The following DHX8 variants were observed in gnomAD, a reference collection of about 807,000 sequenced individuals.
DHX8 encodes DEAH-box helicase 8, also known as ATP-dependent RNA helicase DHX8.
Under a neutral mutation model 140.7 loss-of-function variants are expected in DHX8, and 67 were observed. The ratio of observed to expected loss-of-function variants is 0.48; its 90% confidence interval spans 0.39 to 0.58. The LOEUF is 0.58. DHX8 is among the 20% of genes least tolerant of loss of function. The pLI, the probability that DHX8 is intolerant of heterozygous loss-of-function variation, is 0.00. For missense variants in DHX8, 887 were observed against 1,550.7 expected (o/e 0.57, Z 7.19); for synonymous variants, 533 against 553.2 (o/e 0.96, Z 0.51).
rs756431516 is a variant in DHX8 at position 43,532,977 on chromosome 17, TTTAAA to T, written c.351-3430_351-3426del. On this transcript the variant is annotated intron_variant, in intron 2 of 3. Transcript: ENST00000589898. The stretch of plus-strand genomic sequence containing the variant: ...GGATGGAGAAGGAAGAGAAGAGAAC[TTTAAA>T]TTAATCCTTCCTCGAGCCTGTTACT... 7.2e-6 allele frequency: 11 copies of T among 1,528,804 alleles called. No homozygotes were observed. In the Admixed American group the frequency reaches 1.7e-4, roughly 24 times the overall value. 94.7% of individuals were successfully genotyped at this position (1,528,804 alleles called of 1,614,324 possible).
intron 3 of DHX8, among the ~76,000 whole-genome samples, chr17:43,541,351 G>A (rs187618720): frequency 1.5e-3 from 226 of 152,286 alleles, no homozygotes; most frequent in Non-Finnish European, 2.2e-3. Flanking sequence ...TTGTTAACTT[G>A]GCTGAGTCTT....
chr17:43,492,890 G>T lies in DHX8; in HGVS notation c.713G>T (p.Arg238Leu), dbSNP rs1341366727. The change falls in exon 6 of 23, where the codon CGG becomes CTG. Residue 238 changes from arginine (R) to leucine (L), a missense_variant. Arg to Leu is a moderately radical substitution (Grantham distance 102). Coordinates refer to ENST00000262415, the MANE Select transcript of DHX8 (RefSeq NM_004941.3). ...AGTCCCCCCAAAGACCGGAAGGACC[G>T]GGACAAATATGGAGAGCGGAATCTG... ...SQSPPKDRKD[R>L]DKYGERNLDR... The T allele has an allele frequency of 1.9e-6, 3 of 1,614,074 alleles. No individual in the cohort carries two copies. In the Admixed American group the frequency reaches 5.0e-5, roughly 27 times the overall value.
At chr17:43,510,172 C>T (rs1443932309) in intron 16 of DHX8, among the ~76,000 whole-genome samples, 3 of 152,104 alleles carry the variant, frequency 2.0e-5, no homozygotes, top group Admixed American at 2.0e-4. Flanking sequence ...CCTCAGCCTC[C>T]CGAGTAGCTG....
rs1383529400 is a variant in DHX8 at position 43,523,521 on chromosome 17, G to C, written c.3444-107G>C. 8 of 1,525,148 alleles carry C rather than the reference G, an allele frequency of 5.2e-6. No individual in the cohort carries two copies. In the East Asian group the frequency reaches 1.8e-4, roughly 35 times the overall value. The allele number at this position is 1,525,148 out of a possible 1,614,324, so 94.5% of individuals were successfully genotyped here. On this transcript the variant is annotated intron_variant, in intron 22 of 22. Transcript: ENST00000262415. ...AGTCTTATAGGTGTCAGGCAGGAGA[G>C]GTAATAGTATAAAATGTAAGCTCAG... is the stretch of plus-strand genomic sequence containing the variant.
At position 43,508,370 on chromosome 17, in the gene DHX8, A is replaced by AT; in HGVS notation, c.2352_2353insT (p.Glu785Ter). On this transcript the variant is annotated frameshift_variant, in exon 16 of 23. Coordinates refer to ENST00000262415, the MANE Select transcript of DHX8 (RefSeq NM_004941.3). LOFTEE classifies it high-confidence loss of function. Reference sequence around the variant, plus strand: ...TCCTGGTCTTCCTGACTGGTCAGGAAGAAATTGATACTGCTTGTGAGATCC... The same window carrying AT: ...TCCTGGTCTTCCTGACTGGTCAGGAATGAAATTGATACTGCTTGTGAGATCC... 1 of 1,612,422 alleles carries AT rather than the reference A, an allele frequency of 6.2e-7. No individual in the cohort carries two copies. Among genetic ancestry groups the AT allele is most frequent in the Non-Finnish European group, 8.5e-7 (1 of 1,178,682 alleles).
At chr17:43,518,528 A>G (rs1567696898) in intron 18 of DHX8, 1 of 152,208 alleles carries the variant, frequency 6.6e-6, no homozygotes, top group Non-Finnish European at 1.5e-5. Context: ...TCATAGATAT[A>G]TAGTAGAAAT....
downstream of DHX8, chr17:43,544,773 G>A (rs1971714323): frequency 1.8e-6 from 1 of 547,594 alleles, no homozygotes; most frequent in Admixed American, 3.0e-5. Flanking sequence ...GCTCAGGGTA[G>A]AGAAAATAAA....
At chr17:43,529,921 G>A (rs755977920), downstream of DHX8, 2 of 1,614,146 alleles carry the variant, frequency 1.2e-6, no homozygotes, top group South Asian at 1.1e-5. Flanking sequence ...CATCATCTGG[G>A]AATGGTCGCA....
chr17:43,488,067 C>T (rs112971230), intron 1 of DHX8, among the ~76,000 whole-genome samples: 2,187 of 152,090 alleles, frequency 0.014, 48 homozygotes, highest in African/African-American at 0.05. Context: ...ATCACAAGGT[C>T]GTGGGTTCGA....
Position 43,492,191 on chromosome 17 carries a change from G to T in DHX8, c.402G>T (p.Leu134Phe). 6.2e-7 allele frequency: 1 copy of T among 1,613,830 alleles called. No homozygotes were observed. The highest frequency in any genetic ancestry group is 8.5e-7 in the Non-Finnish European group (1 of 1,179,794). The change falls in exon 5 of 23, where the codon TTG becomes TTT. Residue 134 changes from leucine (L) to phenylalanine (F), a missense_variant. By Grantham distance (22) the Leu-to-Phe change is conservative. Around this residue, in one of 9 missense-constraint regions of DHX8, gnomAD observed 304 missense variants for 306.9 expected, o/e 0.99. Transcript: ENST00000262415. ...QPDNPSVRTM[L>F]DEDDVKVAVD... ...GGCCTCTACCTCTGCAGACCATGTT[G>T]GATGAAGATGATGTGAAAGTTGCTG... is the stretch of plus-strand genomic sequence containing the variant.
intron 10 of DHX8, among the ~76,000 whole-genome samples, 190 bp from the exon 11 acceptor site, chr17:43,499,766 A>G (rs1159660584): frequency 6.6e-6 from 1 of 152,176 alleles, no homozygotes; most frequent in Non-Finnish European, 1.5e-5. Flanking sequence ...AGTTCCTTCA[A>G]TGATGTAACA....
chr17:43,505,986 A>G (rs1167846623), intron 12 of DHX8, among the ~76,000 whole-genome samples: 1 of 151,894 alleles, frequency 6.6e-6, no homozygotes, highest in African/African-American at 2.4e-5. Context: ...ACTTAATGAT[A>G]TATCTCAGAG....
intron 18 of DHX8, chr17:43,519,521 T>G (rs1043558124): frequency 2.1e-4 from 1 of 4,698 alleles, no homozygotes; most frequent in African/African-American, 5.0e-4. Flanking sequence ...TAGGGTTTTT[T>G]GTTTTTTTTT....
At chr17:43,488,294 AAAG>A (rs1968296641) in intron 1 of DHX8, among the ~76,000 whole-genome samples, 1 of 87,960 alleles carries the variant, frequency 1.1e-5, no homozygotes, top group African/African-American at 3.7e-5. Context: ...AAGAAAAAAA[AAAG>A]AAAAAAAGAA....
At chr17:43,514,880 A>G (rs1672342069) in intron 17 of DHX8, among the ~76,000 whole-genome samples, 1 of 152,186 alleles carries the variant, frequency 6.6e-6, no homozygotes, top group Admixed American at 6.6e-5. Context: ...TGTAACTATA[A>G]TATTTTCTTT....
chr17:43,493,333 CTTT>C, intron 6 of DHX8, 109 bp from the exon 7 acceptor site: 1 of 1,426,060 alleles, frequency 7.0e-7, no homozygotes, highest in Non-Finnish European at 9.5e-7. Context: ...CTTCATGGTA[CTTT>C]TCTCTTGAGT....
intron 16 of DHX8, among the ~76,000 whole-genome samples, chr17:43,512,598 T>C (rs1190147453): frequency 2.6e-5 from 4 of 152,136 alleles, no homozygotes; most frequent in Non-Finnish European, 5.9e-5. Flanking sequence ...TTCTCCCCTA[T>C]TCTATTCCTA....
At position 43,524,614 on chromosome 17, in the gene DHX8, T is replaced by C. The variant is rs1970539298; in HGVS notation, c.*767T>C. On this transcript the variant is annotated 3_prime_UTR_variant, in exon 23 of 23. Transcript: ENST00000262415. ...GGCCTGAGTGGCTACAGATGGCACATATTAAATACAGAAGGTTTCCCCTTG... is the reference window on the plus strand; with the variant it reads ...GGCCTGAGTGGCTACAGATGGCACACATTAAATACAGAAGGTTTCCCCTTG... 4.6e-5 allele frequency: 45 copies of C among 985,420 alleles called. No individual in the cohort carries two copies. The highest frequency in any genetic ancestry group is 5.3e-5 in the Non-Finnish European group (44 of 830,028). The allele number at this position is 985,420 out of a possible 1,614,324, so 61.0% of individuals were successfully genotyped here. A position where few individuals can be genotyped will look rare whatever the true frequency, so the allele number is the denominator to read the frequency against.
chr17:43,538,906 AGG>A (rs1971382603), intron 3 of DHX8, among the ~76,000 whole-genome samples: 1 of 152,142 alleles, frequency 6.6e-6, no homozygotes, highest in Non-Finnish European at 1.5e-5. Context: ...ATGGCTGGTG[AGG>A]GGTATGAGAT....
Sources: allele counts gnomAD v4.1 joint callset (sites outside exome capture counted in the v4.1 genomes callset), GRCh38; gene constraint gnomAD v4.1.1; regional missense constraint gnomAD v4.1.1; transcripts MANE v1.5; gene names NCBI Gene and HGNC (gene_info 2026-07-23, HGNC 2026-07-21).